Variants in PREX1 observed in about 807,000 individuals in gnomAD.
PREX1 encodes phosphatidylinositol-3,4,5-trisphosphate dependent Rac exchange factor 1.
PREX1 carries 41 observed loss-of-function variants against 198.3 expected under a neutral mutation model. The observed-to-expected ratio is 0.21, with a 90% CI of 0.16 to 0.27. The LOEUF (loss-of-function observed/expected upper bound fraction) is 0.27. PREX1 is among the 10% of genes least tolerant of loss of function. The pLI is 1.00. For missense variants in PREX1, 1,620 were observed against 2,200.7 expected (o/e 0.74, Z 5.28); for synonymous variants, 843 against 887.2 (o/e 0.95, Z 0.89).
intron 7 of PREX1, among the ~76,000 whole-genome samples, chr20:48,698,913 A>T (rs1226519473): frequency 6.6e-6 from 1 of 152,258 alleles, no homozygotes; most frequent in Non-Finnish European, 1.5e-5. Flanking sequence ...GGATGAGGAA[A>T]CTGAGGCACA....
intron 23 of PREX1, 98 bp from the exon 24 acceptor site, chr20:48,650,304 G>T: frequency 1.6e-6 from 2 of 1,213,670 alleles, no homozygotes; most frequent in Non-Finnish European, 2.3e-6. Context: ...TAGGCCAGAT[G>T]CCCCACAGTT....
At chr20:48,863,240 C>T in the PREX1 span, among the ~76,000 whole-genome samples, 1 of 152,140 alleles carries the variant, frequency 6.6e-6, no homozygotes, top group Non-Finnish European at 1.5e-5. Context: ...TTATTAACAC[C>T]TTGTATTAGT....
the PREX1 span, among the ~76,000 whole-genome samples, chr20:48,843,965 T>C: frequency 6.6e-6 from 1 of 151,710 alleles, no homozygotes; most frequent in South Asian, 2.1e-4. Context: ...GGCAACATAT[T>C]ATCTAAAAAA....
rs1458779962 is a variant in PREX1 at position 48,652,578 on chromosome 20, T to C, written c.2467+8A>G. 3 of 1,606,164 alleles carry C rather than the reference T, an allele frequency of 1.9e-6. No homozygotes were observed. The African/African-American group carries it at 4.0e-5, about 21-fold the overall frequency. On this transcript the variant is annotated splice_region_variant and intron_variant, in intron 21 of 39. Coordinates refer to ENST00000371941, the MANE Select transcript of PREX1 (RefSeq NM_020820.4). ...GAAGCTCCTGTCATGCCATGCCCCG[T>C]CTATTACCTGAATCAGCCTGGTCTT...
rs373736574 is a variant in PREX1, at chr20:48,629,572, G to T, written c.4643C>A (p.Ser1548Tyr). The T allele has an allele frequency of 4.1e-5, 66 of 1,614,044 alleles. No individual in the cohort carries two copies. Among genetic ancestry groups the T allele is most frequent in the Non-Finnish European group, 5.6e-5 (66 of 1,180,006 alleles). ...AGCACCAGGCTTTGGGTGGACAAAG[G>T]ACTTCATGAGGCGGCAGAGCTCATC... is the stretch of plus-strand genomic sequence containing the variant. ...ALDELCRLMK[S>Y]FVHPKPGAAG... The change falls in exon 37 of 40, where the codon TCC (serine) becomes TAC (tyrosine). Residue 1548 changes from serine (S) to tyrosine (Y), a missense_variant. By Grantham distance (144) the Ser-to-Tyr change is moderately radical (BLOSUM62 -2). Around this residue, in one of 7 missense-constraint regions of PREX1, gnomAD observed 476 missense variants for 603.4 expected, o/e 0.79. Coordinates refer to ENST00000371941, the MANE Select transcript of PREX1 (RefSeq NM_020820.4).
chr20:48,655,433 A>C, intron 18 of PREX1, 58 bp from the exon 19 acceptor site: 1 of 1,362,724 alleles, frequency 7.3e-7, no homozygotes, highest in Non-Finnish European at 9.9e-7. Context: ...CATCACTCTC[A>C]ATAACCCCGG....
At chr20:48,694,204 G>A (rs372449048) in intron 7 of PREX1, among the ~76,000 whole-genome samples, 3 of 152,236 alleles carry the variant, frequency 2.0e-5, no homozygotes, top group Admixed American at 1.3e-4. Flanking sequence ...GAGCCACCAC[G>A]CCCAGCCCGA....
At chr20:48,645,044 T>G (rs1345368919) in intron 26 of PREX1, among the ~76,000 whole-genome samples, 1 of 152,250 alleles carries the variant, frequency 6.6e-6, no homozygotes, top group Admixed American at 6.5e-5. Flanking sequence ...GGGCAAAATC[T>G]GAGACTATGG....
At chr20:48,821,516 C>T (rs973573502) in intron 1 of PREX1, among the ~76,000 whole-genome samples, 3 of 152,180 alleles carry the variant, frequency 2.0e-5, no homozygotes, top group African/African-American at 7.2e-5. Context: ...AGGGGCAGCC[C>T]ACCCTATCAC....
chr20:48,834,659 A>G, the PREX1 span, among the ~76,000 whole-genome samples: 1 of 152,116 alleles, frequency 6.6e-6, no homozygotes, highest in Non-Finnish European at 1.5e-5. Context: ...TTCCAGGCTC[A>G]AACACTCCTC....
chr20:48,727,292 T>C (rs1435519392), intron 4 of PREX1, among the ~76,000 whole-genome samples: 1 of 152,078 alleles, frequency 6.6e-6, no homozygotes, highest in East Asian at 1.9e-4. Context: ...AGTACAGCTC[T>C]CTTAGGAATG....
the PREX1 span, among the ~76,000 whole-genome samples, chr20:48,885,028 G>A: frequency 2.6e-5 from 4 of 152,162 alleles, no homozygotes; most frequent in African/African-American, 9.7e-5. Context: ...TGTGACCTCA[G>A]GCAAATTACT....
the PREX1 span, among the ~76,000 whole-genome samples, chr20:48,872,635 A>T: frequency 2.0e-5 from 3 of 152,136 alleles, no homozygotes; most frequent in African/African-American, 7.2e-5. Flanking sequence ...AATTCCAACT[A>T]TTCAGGAGGC....
chr20:48,874,984 C>G, the PREX1 span, among the ~76,000 whole-genome samples: 1 of 152,126 alleles, frequency 6.6e-6, no homozygotes, highest in Non-Finnish European at 1.5e-5. Flanking sequence ...TGTCCCTTGA[C>G]AGAGAGCTCA....
At chr20:48,836,312 C>A in the PREX1 span, among the ~76,000 whole-genome samples, 1 of 152,040 alleles carries the variant, frequency 6.6e-6, no homozygotes. Context: ...TGGGGCTGGG[C>A]GAGATCACCC....
At chr20:48,660,214 A>G (rs953531455) in intron 15 of PREX1, among the ~76,000 whole-genome samples, 153 bp from the exon 16 acceptor site, 1 of 152,252 alleles carries the variant, frequency 6.6e-6, no homozygotes, top group African/African-American at 2.4e-5. Context: ...TGCCAACACT[A>G]ACATATTAGG....
At chr20:48,841,673 A>C in the PREX1 span, among the ~76,000 whole-genome samples, 1 of 152,286 alleles carries the variant, frequency 6.6e-6, no homozygotes, top group East Asian at 1.9e-4. Flanking sequence ...TCAATGAACA[A>C]CCCAGGCAGA....
intron 5 of PREX1, among the ~76,000 whole-genome samples, chr20:48,710,973 T>A (rs2089928029): frequency 6.6e-6 from 1 of 152,192 alleles, no homozygotes; most frequent in African/African-American, 2.4e-5. Flanking sequence ...TGTTTGGGTT[T>A]CCTCCCAAGA....
rs1310916184 is a variant in PREX1, at chr20:48,626,004, G to A, written c.4938-77C>T. On this transcript the variant is annotated intron_variant, in intron 39 of 39. Transcript: ENST00000371941. ...ATTTGTATTATTTCCATTTTTACCT[G>A]AACATGTAATTCATGCCCAGAAACC... 7.2e-6 allele frequency: 10 copies of A among 1,391,858 alleles called. No homozygotes were observed. The Admixed American group carries it at 2.3e-4, about 32-fold the overall frequency. The allele number at this position is 1,391,858 out of a possible 1,614,324, so 86.2% of individuals were successfully genotyped here. A position where few individuals can be genotyped will look rare whatever the true frequency, so the allele number is the denominator to read the frequency against.
Sources: gnomAD v4.1 joint callset for allele counts (sites outside exome capture counted in the v4.1 genomes callset) on GRCh38, gnomAD v4.1.1 for gene constraint, gnomAD v4.1.1 regional missense constraint, MANE v1.5 for transcripts, NCBI Gene and HGNC (gene_info 2026-07-23, HGNC 2026-07-21) for gene names.